The following FMN2 variants were observed in gnomAD, a reference collection of about 807,000 sequenced individuals.
FMN2 encodes formin 2, also known as formin-2.
FMN2 carries 51 observed loss-of-function variants against 142.3 expected under a neutral mutation model. The ratio of observed to expected loss-of-function variants is 0.36; its 90% CI spans 0.29 to 0.45. FMN2 has a LOEUF of 0.45. FMN2 is among the 20% of genes least tolerant of loss of function. FMN2 has a pLI of 1.00. For synonymous variants in FMN2, 882 were observed against 869.8 expected (o/e 1.01, Z -0.25); for missense variants, 1,936 against 2,122.8 (o/e 0.91, Z 1.73).
intron 15 of FMN2, among the ~76,000 whole-genome samples, chr1:240,398,474 T>C (rs549715392): frequency 3.3e-5 from 5 of 152,176 alleles, no homozygotes; most frequent in Non-Finnish European, 4.4e-5. Flanking sequence ...GTGAGTTGCA[T>C]GAAAAAATTA....
intron 15 of FMN2, among the ~76,000 whole-genome samples, chr1:240,418,259 G>T (rs1198741360): frequency 6.6e-6 from 1 of 150,528 alleles, no homozygotes; most frequent in Non-Finnish European, 1.5e-5. Flanking sequence ...GAATGCAGTG[G>T]CACAATCTCA....
chr1:240,290,079 G>T (rs908252305), intron 7 of FMN2, among the ~76,000 whole-genome samples: 6 of 152,130 alleles, frequency 3.9e-5, no homozygotes, highest in African/African-American at 1.4e-4. Context: ...TCAAGAGTGG[G>T]ACTGTTTCTT....
intron 7 of FMN2, among the ~76,000 whole-genome samples, chr1:240,263,918 G>A (rs1395083303): frequency 6.6e-6 from 1 of 151,952 alleles, no homozygotes; most frequent in African/African-American, 2.4e-5. Context: ...TTACCTCCTT[G>A]CTGAAATTTC....
intron 15 of FMN2, among the ~76,000 whole-genome samples, chr1:240,397,573 T>G (rs1673821318): frequency 6.6e-6 from 1 of 151,894 alleles, no homozygotes; most frequent in Non-Finnish European, 1.5e-5. Context: ...GTCAGGAGTT[T>G]GAGACCAGCC....
intron 14 of FMN2, among the ~76,000 whole-genome samples, chr1:240,359,649 T>C (rs1260696837): frequency 6.6e-6 from 1 of 152,218 alleles, no homozygotes. Context: ...ACCTCCTCAC[T>C]GGGAACATCT....
intron 14 of FMN2, among the ~76,000 whole-genome samples, chr1:240,367,053 GTTCCAATTGTGTTAAATCC>G (rs1421696182): frequency 1.3e-5 from 2 of 152,278 alleles, no homozygotes; most frequent in East Asian, 1.9e-4. Context: ...TATCGGCAGA[GTTCCAATTGTGTTAAATCC>G]TTACCAGCAC....
chr1:240,193,150 A>G (rs1038799015), intron 4 of FMN2, among the ~76,000 whole-genome samples: 12 of 152,168 alleles, frequency 7.9e-5, no homozygotes, highest in African/African-American at 2.9e-4. Context: ...AACATTATTA[A>G]TGGCCTGTGG....
At chr1:240,372,635 A>T (rs1259021739) in intron 14 of FMN2, among the ~76,000 whole-genome samples, 1 of 148,882 alleles carries the variant, frequency 6.7e-6, no homozygotes, top group African/African-American at 2.5e-5. Context: ...TGGAGGAAGA[A>T]TTTCTTTTTT....
At chr1:240,121,592 T>C (rs1662251414) in intron 1 of FMN2, among the ~76,000 whole-genome samples, 1 of 150,830 alleles carries the variant, frequency 6.6e-6, no homozygotes, top group South Asian at 2.1e-4. Flanking sequence ...GGTTTCACCG[T>C]GTTAACCAGG....
At chr1:240,309,696 C>T (rs1169883522) in intron 8 of FMN2, among the ~76,000 whole-genome samples, 3 of 152,124 alleles carry the variant, frequency 2.0e-5, no homozygotes, top group Non-Finnish European at 4.4e-5. Context: ...AGCAGTGCCC[C>T]TCCATCACCT....
At chr1:240,170,305 C>A (rs1664650283) in intron 2 of FMN2, 4 of 1,082,560 alleles carry the variant, frequency 3.7e-6, no homozygotes, top group Non-Finnish European at 4.3e-6. Context: ...TGCAGTTTGC[C>A]ATACCAATGC....
Position 240,091,883 on chromosome 1 carries a change from G to A in FMN2, c.-227G>A, listed in dbSNP as rs1182033398. 1 of 650,470 alleles carries A rather than the reference G, an allele frequency of 1.5e-6. No homozygotes were observed. Among genetic ancestry groups the A allele is most frequent in the Non-Finnish European group, 2.3e-6 (1 of 433,836 alleles). The allele number at this position is 650,470 out of a possible 1,614,324, so 40.3% of individuals were successfully genotyped here. A position where few individuals can be genotyped will look rare whatever the true frequency, so the allele number is the denominator to read the frequency against. ...GTTCGCGCCCCGCCGGCCCCTAGCC[G>A]CAGCCGCAGCCGCAGCGACGGCAGC... is the stretch of plus-strand genomic sequence containing the variant. On this transcript the variant is annotated 5_prime_UTR_variant, in exon 1 of 18. Transcript: ENST00000319653.
rs575690808 is a variant in FMN2, at chr1:240,225,049, AAG to A, written c.4065+13816_4065+13817del. On this transcript the variant is annotated intron_variant, in intron 6 of 17. Coordinates refer to ENST00000319653, the MANE Select transcript of FMN2 (RefSeq NM_020066.5). ...ATGATCAATTTCTATGTTCATCAAA[AAG>A]ATCTGTCTATGGGACTATTGGGTCA... Among the ~76,000 whole-genome samples the A allele has an allele frequency of 1.4e-4, 22 of 152,308 alleles. No homozygotes were observed. In the East Asian group the frequency reaches 4.2e-3, roughly 29 times the overall value.
chr1:240,148,363 GAGAC>G (rs1196665332), intron 2 of FMN2, among the ~76,000 whole-genome samples: 2 of 127,370 alleles, frequency 1.6e-5, no homozygotes, highest in African/African-American at 3.5e-5. Flanking sequence ...CAGAGAGACA[GAGAC>G]AGAGAGAGAG....
In FMN2 at chr1:240,092,067, C is replaced by T; in HGVS notation, c.-43C>T. 1 of 1,522,868 alleles carries T rather than the reference C, an allele frequency of 6.6e-7. No individual in the cohort carries two copies. The highest frequency in any genetic ancestry group is 8.8e-7 in the Non-Finnish European group (1 of 1,137,358). 94.3% of individuals were successfully genotyped at this position (1,522,868 alleles called of 1,614,324 possible). On this transcript the variant is annotated 5_prime_UTR_variant, in exon 1 of 18. Transcript: ENST00000319653. ...CTGGGGCCGAGGAGGGCCGGGATGG[C>T]CTGAGTGCCCGCGGCGCGGCGGCGC... is the stretch of plus-strand genomic sequence containing the variant.
At chr1:240,357,835 C>T (rs752176042) in intron 14 of FMN2, among the ~76,000 whole-genome samples, 2 of 152,128 alleles carry the variant, frequency 1.3e-5, no homozygotes, top group Non-Finnish European at 2.9e-5. Context: ...TCTTGAACTC[C>T]TGAGCTTGTG....
rs571159102 is a variant in FMN2, at chr1:240,209,311, T to C, written c.3920+579T>C. 2.8e-3 allele frequency among the ~76,000 whole-genome samples: 416 copies of C among 150,770 alleles called. 3 individuals are homozygous for C. In the South Asian group the frequency reaches 0.028, roughly 10 times the overall value. On this transcript the variant is annotated intron_variant, in intron 5 of 17. Coordinates refer to ENST00000319653, the MANE Select transcript of FMN2 (RefSeq NM_020066.5). ...TGTCACCCAGGCTGGAGTGCAGCGG[T>C]GCAGCCTCGGCCCACTGCAAGCTCC...
chr1:240,361,723 G>A (rs1409894444), intron 14 of FMN2, among the ~76,000 whole-genome samples: 2 of 152,178 alleles, frequency 1.3e-5, no homozygotes, highest in Admixed American at 1.3e-4. Context: ...TGGACATGTG[G>A]GTATATGAGC....
chr1:240,106,949 G>T (rs958237310), intron 1 of FMN2, among the ~76,000 whole-genome samples: 1 of 151,616 alleles, frequency 6.6e-6, no homozygotes, highest in Admixed American at 6.6e-5. Context: ...CTCCCAAAGT[G>T]CCGGTTTTAC....
Sources: gnomAD v4.1 joint callset for allele counts (sites outside exome capture counted in the v4.1 genomes callset) on GRCh38, gnomAD v4.1.1 for gene constraint, MANE v1.5 for transcripts, NCBI Gene and HGNC (gene_info 2026-07-23, HGNC 2026-07-21) for gene names.